Variants in RNASEH2B observed in about 807,000 individuals in gnomAD.
RNASEH2B encodes the protein Aicardi-Goutieres syndrome 2 protein.
A neutral mutation model predicts 45.0 loss-of-function variants in RNASEH2B; 36 were observed. The observed-to-expected ratio is 0.80, with a 90% confidence interval of 0.61 to 1.06. The LOEUF is 1.06. Among genes scored for constraint, RNASEH2B ranks in the 50% least tolerant of loss-of-function variants. RNASEH2B has a pLI of 0.00. For missense variants in RNASEH2B, 361 were observed against 360.3 expected (o/e 1.00, Z -0.02); for synonymous variants, 119 against 125.7 (o/e 0.95, Z 0.35).
At chr13:50,924,209 A>G (rs985289245) in intron 1 of RNASEH2B, among the ~76,000 whole-genome samples, 1 of 152,206 alleles carries the variant, frequency 6.6e-6, no homozygotes, top group East Asian at 1.9e-4. Flanking sequence ...AAATGCACTA[A>G]GCACTTCTAT....
chr13:50,939,957 G>C (rs1951813928), intron 5 of RNASEH2B, among the ~76,000 whole-genome samples: 1 of 152,044 alleles, frequency 6.6e-6, no homozygotes, highest in African/African-American at 2.4e-5. Flanking sequence ...ATGCCATTAA[G>C]AAAAAAGGAG....
intron 9 of RNASEH2B, chr13:50,950,275 T>A (rs1312690500): frequency 6.6e-6 from 1 of 152,256 alleles, no homozygotes; most frequent in Non-Finnish European, 1.5e-5. Flanking sequence ...TTGTGGATGT[T>A]ACAAACTTTC....
intron 1 of RNASEH2B, among the ~76,000 whole-genome samples, chr13:50,926,655 G>A (rs1031900903): frequency 2.0e-5 from 3 of 151,898 alleles, no homozygotes. Flanking sequence ...GAAAATATAG[G>A]CAATTCACAG....
In RNASEH2B at chr13:50,923,997, C is replaced by T. The variant is rs190368421; in HGVS notation, c.65-3410C>T. On this transcript the variant is annotated intron_variant, in intron 1 of 10. Coordinates refer to ENST00000336617, the MANE Select transcript of RNASEH2B (RefSeq NM_024570.4). ...GTGAGTTAAGATACTAATTGTAATT[C>T]CCAGGATAACCACTAAGAAAATAAC... is the stretch of plus-strand genomic sequence containing the variant. Among the ~76,000 whole-genome samples the T allele has an allele frequency of 3.0e-4, 46 of 152,156 alleles. No individual in the cohort carries two copies. In the East Asian group the frequency reaches 8.5e-3, roughly 28 times the overall value.
At chr13:50,917,748 AT>A (rs1593447647) in intron 1 of RNASEH2B, among the ~76,000 whole-genome samples, 1 of 152,198 alleles carries the variant, frequency 6.6e-6, no homozygotes, top group East Asian at 1.9e-4. Context: ...TGCTGACTGA[AT>A]AATGATGCCT....
At chr13:50,923,632 A>G (rs1372518137) in intron 1 of RNASEH2B, among the ~76,000 whole-genome samples, 1 of 152,230 alleles carries the variant, frequency 6.6e-6, no homozygotes, top group Non-Finnish European at 1.5e-5. Flanking sequence ...TAAAGGAAAA[A>G]AGAATGTGTC....
At chr13:50,963,073 G>A (rs1566093568) in intron 9 of RNASEH2B, among the ~76,000 whole-genome samples, 1 of 151,558 alleles carries the variant, frequency 6.6e-6, no homozygotes, top group African/African-American at 2.4e-5. Flanking sequence ...CAGTTTCTAG[G>A]TGTATCTTCA....
chr13:50,942,783 G>A (rs1200232359), intron 5 of RNASEH2B: 1 of 152,816 alleles, frequency 6.5e-6, no homozygotes, highest in African/African-American at 2.4e-5. Flanking sequence ...ATGTATTTCA[G>A]GGAGACATGA....
downstream of RNASEH2B, among the ~76,000 whole-genome samples, chr13:50,957,182 A>T (rs181367619): frequency 3.2e-4 from 48 of 151,402 alleles, no homozygotes; most frequent in African/African-American, 1.1e-3. Flanking sequence ...TTTGGGATGT[A>T]ATTGAACCTG....
intron 1 of RNASEH2B, among the ~76,000 whole-genome samples, chr13:50,917,134 C>A (rs963932252): frequency 1.3e-5 from 2 of 152,170 alleles, no homozygotes; most frequent in African/African-American, 4.8e-5. Context: ...CCTCCACCAC[C>A]TATTGTAGCC....
At chr13:50,956,260 C>T (rs769157680) in intron 10 of RNASEH2B, 98 bp from the exon 11 acceptor site, 2 of 1,018,454 alleles carry the variant, frequency 2.0e-6, no homozygotes, top group Non-Finnish European at 1.5e-6. Flanking sequence ...GCTTACCTTC[C>T]TTAATGAAAC....
At chr13:50,935,387 A>G (rs913399254) in intron 5 of RNASEH2B, 3 of 273,552 alleles carry the variant, frequency 1.1e-5, no homozygotes, top group African/African-American at 4.4e-5. Flanking sequence ...CAAAAAGCAT[A>G]TGTTGCACAT....
intron 1 of RNASEH2B, among the ~76,000 whole-genome samples, chr13:50,926,616 G>T (rs1951600067): frequency 6.6e-6 from 1 of 151,992 alleles, no homozygotes; most frequent in Admixed American, 6.5e-5. Context: ...GTCCAGATAG[G>T]TTAAAAATAT....
chr13:50,943,428 TA>T (rs1951858593), intron 6 of RNASEH2B, 34 bp downstream of exon 6: 5 of 1,462,498 alleles, frequency 3.4e-6, no homozygotes, highest in Non-Finnish European at 4.8e-6. Context: ...GTGGTAAAAG[TA>T]AAAATTCAGT....
At chr13:50,941,403 A>G (rs576722128) in intron 5 of RNASEH2B, 57 of 152,324 alleles carry the variant, frequency 3.7e-4, no homozygotes, top group African/African-American at 1.3e-3. Flanking sequence ...AATAATTCCC[A>G]GAGGTAGAGG....
chr13:50,961,596 AC>A (rs888435339), downstream of RNASEH2B, among the ~76,000 whole-genome samples: 2 of 151,948 alleles, frequency 1.3e-5, no homozygotes, highest in Admixed American at 1.3e-4. Flanking sequence ...CCCTGAATCC[AC>A]CTTTTTTTCA....
intron 1 of RNASEH2B, among the ~76,000 whole-genome samples, chr13:50,913,553 A>G (rs1038815376): frequency 7.9e-5 from 12 of 152,116 alleles, no homozygotes; most frequent in Non-Finnish European, 1.8e-4. Flanking sequence ...GGGTTCACTT[A>G]GGCTGATTAA....
chr13:50,949,413 G>C lies in RNASEH2B; in HGVS notation c.699-50G>C, dbSNP rs187099374. On this transcript the variant is annotated intron_variant, in intron 8 of 10. Transcript: ENST00000336617. ...TTAAGTTGGCCCTGTCTTTCTGTTT[G>C]TTTGTCTATGAAAAACGATGACTTT... The C allele has an allele frequency of 5.9e-4, 935 of 1,575,846 alleles. 2 individuals are homozygous for C. Among genetic ancestry groups the C allele is most frequent in the Non-Finnish European group, 7.7e-4 (887 of 1,145,626 alleles).
chr13:50,953,437 A>G (rs1321726771), intron 9 of RNASEH2B: 2 of 176,084 alleles, frequency 1.1e-5, no homozygotes, highest in Non-Finnish European at 2.4e-5. Flanking sequence ...TTGTTCTTGC[A>G]TGGATAAAGT....
Sources: allele counts gnomAD v4.1 joint callset (sites outside exome capture counted in the v4.1 genomes callset), GRCh38; gene constraint gnomAD v4.1.1; transcripts MANE v1.5; gene names NCBI Gene and HGNC (gene_info 2026-07-23, HGNC 2026-07-21).